Variants in PRKN observed in about 807,000 individuals in gnomAD.
PRKN encodes the protein E3 ubiquitin-protein ligase parkin.
In PRKN, 56 loss-of-function variants were observed where a neutral mutation model predicts 59.5. The observed-to-expected ratio is 0.94, with a 90% CI of 0.76 to 1.18. The LOEUF (loss-of-function observed/expected upper bound fraction) is 1.18. Among genes scored for constraint, PRKN ranks in the 50% most tolerant of loss-of-function variants. The probability of loss-of-function intolerance (pLI) is 0.00; values close to 1 mark genes in which losing one functional copy is unlikely to be tolerated. For synonymous variants in PRKN, 250 were observed against 222.1 expected (o/e 1.13, Z -1.12); for missense variants, 657 against 596.4 (o/e 1.10, Z -1.06).
chr6:161,788,140 C>T (rs1004773612), intron 6 of PRKN, among the ~76,000 whole-genome samples: 3 of 152,230 alleles, frequency 2.0e-5, no homozygotes, highest in African/African-American at 7.2e-5. Flanking sequence ...GGATGGACAA[C>T]AGCACACTTC....
In PRKN at chr6:162,056,413, C is replaced by T. The variant is rs1007321488; in HGVS notation, c.535-2239G>A. Among the ~76,000 whole-genome samples the T allele has an allele frequency of 2.0e-5, 3 of 152,054 alleles. No homozygotes were observed. Among genetic ancestry groups the T allele is most frequent in the East Asian group, 1.9e-4 (1 of 5,180 alleles). On this transcript the variant is annotated intron_variant, in intron 4 of 11. Transcript: ENST00000366898. The surrounding 1 kb of genome is among the most constrained non-coding windows in gnomAD (Gnocchi z 4.9). ...CACACGCACTATTCTAGAGAAAAGT[C>T]GGGGACGCAGAGCAGTTCTCCAGGC...
chr6:161,933,938 T>C lies in PRKN; in HGVS notation c.734+39364A>G, dbSNP rs369890990. Among the ~76,000 whole-genome samples, 14 of 152,344 alleles carry C rather than the reference T, an allele frequency of 9.2e-5. No individual in the cohort carries two copies. In the East Asian group the frequency reaches 1.2e-3, roughly 13 times the overall value. On this transcript the variant is annotated intron_variant, in intron 6 of 11. Transcript: ENST00000366898. ...GCGTCTGTCTGTCCTACAGTGCAAATGAAGTACACCACTTGGAGAGTGAAT... is the reference window on the plus strand; with the variant it reads ...GCGTCTGTCTGTCCTACAGTGCAAACGAAGTACACCACTTGGAGAGTGAAT...
rs1198296607 is a variant in PRKN, at chr6:161,505,875, A to T, written c.1083+42979T>A. The stretch of plus-strand genomic sequence containing the variant: ...ATTTCTGAGGGCTCTGTTCTGTTCC[A>T]TTGATCTATATCTCTGTTTTGGTAC... On this transcript the variant is annotated intron_variant, in intron 9 of 11. Coordinates refer to ENST00000366898, the MANE Select transcript of PRKN (RefSeq NM_004562.3). 3.4e-5 allele frequency among the ~76,000 whole-genome samples: 5 copies of T among 145,288 alleles called. No homozygotes were observed. The Admixed American group carries it at 3.4e-4, about 10-fold the overall frequency.
chr6:161,465,894 T>C (rs1216416963), intron 9 of PRKN, among the ~76,000 whole-genome samples: 2 of 152,228 alleles, frequency 1.3e-5, no homozygotes, highest in Admixed American at 1.3e-4. Flanking sequence ...TCTATGTTTA[T>C]TACTTTTTTT....
intron 6 of PRKN, among the ~76,000 whole-genome samples, chr6:161,935,600 G>A (rs905109503): frequency 1.3e-5 from 2 of 151,100 alleles, no homozygotes; most frequent in African/African-American, 4.9e-5. Context: ...TAAGACGTGA[G>A]TATGAAAAGA....
chr6:162,646,413 C>T (rs1034576638), intron 1 of PRKN, among the ~76,000 whole-genome samples: 5 of 152,006 alleles, frequency 3.3e-5, no homozygotes, highest in Non-Finnish European at 7.4e-5. Flanking sequence ...GCTAGGACTA[C>T]AGATACATGT....
intron 9 of PRKN, among the ~76,000 whole-genome samples, chr6:161,431,321 A>T (rs1311987148): frequency 6.6e-6 from 1 of 152,084 alleles, no homozygotes; most frequent in African/African-American, 2.4e-5. Context: ...TTCAAACATA[A>T]CAAATGTTTT....
At chr6:162,204,004 T>C (rs570153764) in intron 3 of PRKN, among the ~76,000 whole-genome samples, 97 of 152,274 alleles carry the variant, frequency 6.4e-4, no homozygotes, top group Non-Finnish European at 5.9e-4. Context: ...TGTGTGTGCA[T>C]ATAGCTGTGT....
chr6:161,812,191 A>G (rs1001693377), intron 6 of PRKN, among the ~76,000 whole-genome samples: 2 of 152,116 alleles, frequency 1.3e-5, no homozygotes, highest in Non-Finnish European at 2.9e-5. Context: ...GATTGAGGCC[A>G]GCCTGGGCAA....
rs922353193 is a variant in PRKN, at chr6:161,357,538, C to A, written c.1285+2550G>T. On this transcript the variant is annotated intron_variant, in intron 11 of 11. Coordinates refer to ENST00000366898, the MANE Select transcript of PRKN (RefSeq NM_004562.3). This position sits in a 1 kb window ranked among gnomAD's most constrained non-coding sequence, Gnocchi z 5.5. ...TTTCCCTCCCCACTGCAGACAGAGA[C>A]CTGGCTGATTTTTACTAATTTTCTA... is the stretch of plus-strand genomic sequence containing the variant. 3.3e-5 allele frequency among the ~76,000 whole-genome samples: 5 copies of A among 152,190 alleles called. No homozygotes were observed. Among genetic ancestry groups the A allele is most frequent in the African/African-American group, 1.2e-4 (5 of 41,432 alleles).
Position 162,208,095 on chromosome 6 carries a change from T to C in PRKN, c.413-6843A>G, listed in dbSNP as rs144307181. 8.4e-4 allele frequency among the ~76,000 whole-genome samples: 128 copies of C among 152,302 alleles called. 1 individual carries two copies. Among genetic ancestry groups the C allele is most frequent in the African/African-American group, 3.1e-3 (127 of 41,564 alleles). On this transcript the variant is annotated intron_variant, in intron 3 of 11. Transcript: ENST00000366898. ...TTATATAGGACTTGGTGTAACTGAATGTTAAGGAGAAAAAGTGAAATTCTA... is the reference window on the plus strand; with the variant it reads ...TTATATAGGACTTGGTGTAACTGAACGTTAAGGAGAAAAAGTGAAATTCTA...
intron 6 of PRKN, among the ~76,000 whole-genome samples, chr6:161,939,740 A>C (rs1378034257): frequency 6.6e-6 from 1 of 152,162 alleles, no homozygotes; most frequent in African/African-American, 2.4e-5. Flanking sequence ...CTCAGAAAAA[A>C]ATAAAAGAAA....
At chr6:161,465,713 T>C (rs1057126067) in intron 9 of PRKN, among the ~76,000 whole-genome samples, 3 of 152,204 alleles carry the variant, frequency 2.0e-5, no homozygotes, top group African/African-American at 7.2e-5. Flanking sequence ...GTACCGCTAC[T>C]GCTTAAGATT....
intron 2 of PRKN, among the ~76,000 whole-genome samples, chr6:162,401,905 T>C (rs1787812079): frequency 1.3e-5 from 2 of 152,154 alleles, no homozygotes; most frequent in African/African-American, 2.4e-5. Context: ...TTGGACTCGA[T>C]AACTTTTTAA....
intron 1 of PRKN, among the ~76,000 whole-genome samples, chr6:162,705,822 A>C (rs1294481730): frequency 6.6e-6 from 1 of 152,078 alleles, no homozygotes; most frequent in East Asian, 1.9e-4. Flanking sequence ...TGTTTCCTAT[A>C]AGTAAACTCA....
At chr6:162,349,404 T>C (rs1583422477) in intron 2 of PRKN, among the ~76,000 whole-genome samples, 1 of 152,212 alleles carries the variant, frequency 6.6e-6, no homozygotes, top group Non-Finnish European at 1.5e-5. Flanking sequence ...GAAGCAGAGG[T>C]TGCAGTGAGC....
At chr6:161,649,961 G>A (rs1334243229) in intron 7 of PRKN, among the ~76,000 whole-genome samples, 1 of 152,182 alleles carries the variant, frequency 6.6e-6, no homozygotes, top group Non-Finnish European at 1.5e-5. Flanking sequence ...CCACCATGTT[G>A]TGAGGAAGCC....
At chr6:162,406,721 T>C (rs2128152538) in intron 2 of PRKN, among the ~76,000 whole-genome samples, 1 of 152,222 alleles carries the variant, frequency 6.6e-6, no homozygotes. Flanking sequence ...CCATGAAAAG[T>C]TGAGGTAGGT....
intron 6 of PRKN, among the ~76,000 whole-genome samples, chr6:161,928,829 C>T (rs1404568370): frequency 6.6e-6 from 1 of 152,122 alleles, no homozygotes; most frequent in East Asian, 1.9e-4. Flanking sequence ...CATCTTTCTG[C>T]CCCTAAGCCT....
Sources: gnomAD v4.1 joint callset for allele counts (sites outside exome capture counted in the v4.1 genomes callset) on GRCh38, gnomAD v4.1.1 for gene constraint, Gnocchi (gnomAD v3.1) non-coding constraint, MANE v1.5 for transcripts, NCBI Gene and HGNC (gene_info 2026-07-23, HGNC 2026-07-21) for gene names.